Variants in AGBL1 observed in about 807,000 individuals in gnomAD.
AGBL1 encodes the protein cytosolic carboxypeptidase 4.
A neutral mutation model predicts 118.9 loss-of-function variants in AGBL1; 130 were observed. That is an observed-to-expected ratio of 1.09 (90% confidence interval 0.95 to 1.26). AGBL1 has a LOEUF of 1.26. AGBL1 is among the 50% of genes most tolerant of loss of function. The pLI is 0.00. For synonymous variants in AGBL1, 555 were observed against 478.9 expected, an observed-to-expected ratio of 1.16 and a Z score of -2.08; for missense variants, 1,584 against 1,298.1, an observed-to-expected ratio of 1.22 and a Z score of -3.38.
At chr15:86,248,246 G>C (rs891317885) in intron 7 of AGBL1, among the ~76,000 whole-genome samples, 1 of 152,164 alleles carries the variant, frequency 6.6e-6, no homozygotes, top group East Asian at 1.9e-4. Context: ...GAACTCAGGA[G>C]GCAGATGTTG....
chr15:86,108,566 G>T (rs192826886), intron 1 of AGBL1, among the ~76,000 whole-genome samples: 38 of 152,222 alleles, frequency 2.5e-4, no homozygotes, highest in Non-Finnish European at 4.4e-5. Context: ...ATTTCAAGTG[G>T]ATACGTTTAG....
intron 1 of AGBL1, among the ~76,000 whole-genome samples, chr15:86,102,448 T>A (rs749165077): frequency 3.3e-5 from 5 of 152,360 alleles, no homozygotes; most frequent in Non-Finnish European, 7.3e-5. Context: ...TAGGACTCCC[T>A]TAAGCATTTC....
intron 22 of AGBL1, among the ~76,000 whole-genome samples, chr15:86,728,991 A>G (rs761102179): frequency 8.5e-5 from 13 of 152,188 alleles, no homozygotes; most frequent in Non-Finnish European, 1.6e-4. Context: ...TAGAAACCCA[A>G]TTGATATTCA....
intron 21 of AGBL1, among the ~76,000 whole-genome samples, chr15:86,658,618 C>T (rs1219003648): frequency 1.3e-5 from 2 of 152,146 alleles, no homozygotes; most frequent in Non-Finnish European, 2.9e-5. Flanking sequence ...CAGTGTTTCT[C>T]ATTTGTAGAC....
At chr15:86,151,655 A>G (rs909994523) in intron 3 of AGBL1, among the ~76,000 whole-genome samples, 2 of 152,200 alleles carry the variant, frequency 1.3e-5, no homozygotes, top group Admixed American at 1.3e-4. Flanking sequence ...TATTCAACAT[A>G]GTGTTGGAAG....
chr15:86,797,133 A>G (rs761529780), intron 22 of AGBL1, among the ~76,000 whole-genome samples: 1 of 152,212 alleles, frequency 6.6e-6, no homozygotes, highest in Non-Finnish European at 1.5e-5. Context: ...ATTAAATTGC[A>G]TGGGATATTT....
intron 21 of AGBL1, among the ~76,000 whole-genome samples, chr15:86,571,735 A>C (rs1596277799): frequency 2.0e-5 from 3 of 152,096 alleles, no homozygotes; most frequent in African/African-American, 7.2e-5. Context: ...GCGGGTGCTG[A>C]TTGATCCATG....
At chr15:86,608,609 C>T (rs1374081071) in intron 21 of AGBL1, among the ~76,000 whole-genome samples, 1 of 152,096 alleles carries the variant, frequency 6.6e-6, no homozygotes, top group South Asian at 2.1e-4. Flanking sequence ...CTATATACGA[C>T]ATGATGCTGA....
intron 21 of AGBL1, among the ~76,000 whole-genome samples, chr15:86,667,198 ATATCTATGTATG>A (rs200586764): frequency 0.23 from 34,033 of 147,728 alleles, 4,760 homozygotes; most frequent in East Asian, 0.42. Context: ...TAAAATTGAG[ATATCTATGTATG>A]TATCTATGTA....
intron 17 of AGBL1, among the ~76,000 whole-genome samples, chr15:86,353,250 G>GA (rs1402310359): frequency 6.6e-5 from 10 of 152,178 alleles, no homozygotes; most frequent in African/African-American, 2.2e-4. Context: ...CTGTTGCCAG[G>GA]AAAAGAGTAA....
chr15:87,030,910 G>C (rs1224902993), downstream of AGBL1, among the ~76,000 whole-genome samples: 1 of 151,876 alleles, frequency 6.6e-6, no homozygotes, highest in Non-Finnish European at 1.5e-5. Flanking sequence ...AGGATGTTGC[G>C]GCTGAGCTGA....
chr15:86,481,015 T>C (rs2082643918), intron 18 of AGBL1, among the ~76,000 whole-genome samples: 1 of 151,874 alleles, frequency 6.6e-6, no homozygotes, highest in African/African-American at 2.4e-5. Context: ...GTGACTATTT[T>C]CAATGGGTAG....
chr15:86,108,028 G>A (rs1231226732), intron 1 of AGBL1, among the ~76,000 whole-genome samples: 2 of 152,222 alleles, frequency 1.3e-5, no homozygotes, highest in Non-Finnish European at 2.9e-5. Context: ...TGTACACCAT[G>A]TGAGGAGAGC....
At chr15:86,408,072 C>G (rs1417977795) in intron 18 of AGBL1, among the ~76,000 whole-genome samples, 1 of 152,126 alleles carries the variant, frequency 6.6e-6, no homozygotes, top group Non-Finnish European at 1.5e-5. Context: ...GCGTTTCTGT[C>G]TCTTTCTTTC....
chr15:86,306,253 T>A (rs2079838720), intron 17 of AGBL1, among the ~76,000 whole-genome samples: 1 of 152,056 alleles, frequency 6.6e-6, no homozygotes, highest in African/African-American at 2.4e-5. Context: ...AAATAGTAGG[T>A]CTTAGTCATT....
intron 24 of AGBL1, among the ~76,000 whole-genome samples, chr15:87,015,949 T>A (rs2081604825): frequency 6.6e-6 from 1 of 152,174 alleles, no homozygotes; most frequent in Non-Finnish European, 1.5e-5. Flanking sequence ...TCCTAGGTGA[T>A]ACACATAAGC....
intron 5 of AGBL1, among the ~76,000 whole-genome samples, chr15:86,220,215 G>A (rs1041231839): frequency 5.9e-5 from 9 of 152,120 alleles, no homozygotes; most frequent in African/African-American, 2.2e-4. Context: ...GCCTCCCAAA[G>A]TGCTGGGATT....
chr15:86,293,880 CT>C (rs1447129605), intron 16 of AGBL1, among the ~76,000 whole-genome samples: 1 of 152,092 alleles, frequency 6.6e-6, no homozygotes, highest in African/African-American at 2.4e-5. Context: ...CCTTGGCCCT[CT>C]TAATACCTCC....
At chr15:86,625,083 C>T (rs1030642596) in intron 21 of AGBL1, among the ~76,000 whole-genome samples, 3 of 152,132 alleles carry the variant, frequency 2.0e-5, no homozygotes, top group Non-Finnish European at 4.4e-5. Context: ...AGTCATTCGA[C>T]CAGGTTTGTT....
Sources: allele counts gnomAD v4.1 joint callset (sites outside exome capture counted in the v4.1 genomes callset), GRCh38; gene constraint gnomAD v4.1.1; transcripts MANE v1.5; gene names NCBI Gene and HGNC (gene_info 2026-07-23, HGNC 2026-07-21).